TREML2: variants seen among roughly 807,000 people sequenced by gnomAD.
TREML2 encodes triggering receptor expressed on myeloid cells like 2, also known as trem-like transcript 2 protein.
A neutral mutation model predicts 25.9 loss-of-function variants in TREML2; 24 were observed. The observed-to-expected ratio is 0.93, with a 90% CI of 0.67 to 1.30. The LOEUF is 1.30. TREML2 is among the 50% of genes most tolerant of loss of function. TREML2 has a pLI of 0.00. For synonymous variants in TREML2, 139 were observed against 155.2 expected (o/e 0.90, Z 0.77); for missense variants, 359 against 395.6 (o/e 0.91, Z 0.78).
At chr6:41,193,940 G>A (rs1037088329) in intron 3 of TREML2, among the ~76,000 whole-genome samples, 3 of 100,670 alleles carry the variant, frequency 3.0e-5, no homozygotes, top group Non-Finnish European at 5.6e-5. Context: ...TAATGCCCCC[G>A]ACTCTCATAG....
chr6:41,196,733 A>T lies in TREML2; in HGVS notation c.376+1376T>A, dbSNP rs192829803. ...TTCCCCCAGCCCTAAGCAACCACTA[A>T]TCTACTTTCTGTGTCTGTAGATTTC... On this transcript the variant is annotated intron_variant, in intron 2 of 4. Coordinates refer to ENST00000483722, the MANE Select transcript of TREML2 (RefSeq NM_024807.4). Among the ~76,000 whole-genome samples, 76 of 152,220 alleles carry T rather than the reference A, an allele frequency of 5.0e-4. 1 individual carries two copies. Among genetic ancestry groups the T allele is most frequent in the African/African-American group, 1.8e-3 (75 of 41,506 alleles).
At chr6:41,200,448 G>A (rs944402624) in intron 1 of TREML2, among the ~76,000 whole-genome samples, 7 of 152,218 alleles carry the variant, frequency 4.6e-5, no homozygotes, top group African/African-American at 1.4e-4. Context: ...CCATGGCAGC[G>A]AGAGGGGCAG....
chr6:41,196,001 G>C (rs1317294358), intron 2 of TREML2, among the ~76,000 whole-genome samples: 1 of 152,118 alleles, frequency 6.6e-6, no homozygotes, highest in African/African-American at 2.4e-5. Context: ...CATAAAACCT[G>C]GTCTTCAGGG....
At position 41,191,963 on chromosome 6, in the gene TREML2, G is replaced by T. The variant is rs185940192; in HGVS notation, c.*464C>A. On this transcript the variant is annotated 3_prime_UTR_variant, in exon 5 of 5. Transcript: ENST00000483722. ...TGGGACATCACTGCCTCTGGCATTCGTGAGCCCGATTCTTTCTTCCCTAAC... is the reference window on the plus strand; with the variant it reads ...TGGGACATCACTGCCTCTGGCATTCTTGAGCCCGATTCTTTCTTCCCTAAC... 1.2e-5 allele frequency: 2 copies of T among 162,948 alleles called. No homozygotes were observed. Among genetic ancestry groups the T allele is most frequent in the East Asian group, 1.7e-4 (1 of 5,852 alleles). 10.1% of individuals were successfully genotyped at this position (162,948 alleles called of 1,614,324 possible).
chr6:41,200,975 ACAG>A lies in TREML2; in HGVS notation c.31_33del (p.Leu11del), dbSNP rs748418940. 2.7e-3 allele frequency: 4,028 copies of A among 1,505,150 alleles called. No homozygotes were observed. The highest frequency in any genetic ancestry group is 7.4e-3 in the Admixed American group (395 of 53,278). 93.2% of individuals were successfully genotyped at this position (1,505,150 alleles called of 1,614,324 possible). A position where few individuals can be genotyped will look rare whatever the true frequency, so the allele number is the denominator to read the frequency against. On this transcript the variant is annotated inframe_deletion, in exon 1 of 5. Transcript: ENST00000483722. Reference sequence around the variant, plus strand: ...TCACCTGAGACGCAACCCTGTGGCCACAGCAGCAGCAGCAGCAGGAAGGCTGGG... The same window carrying A: ...TCACCTGAGACGCAACCCTGTGGCCACAGCAGCAGCAGCAGGAAGGCTGGG...
Position 41,192,228 on chromosome 6 carries a change from A to G in TREML2, c.*199T>C, listed in dbSNP as rs1766077332. ...TGCCCTTTGCTCTGGGCCCCTCCCC[A>G]GGTTCCTGCCCCCAAGGAGAACACT... On this transcript the variant is annotated 3_prime_UTR_variant, in exon 5 of 5. Transcript: ENST00000483722. 8.5e-6 allele frequency: 5 copies of G among 588,764 alleles called. No individual in the cohort carries two copies. The Admixed American group carries it at 1.2e-4, about 14-fold the overall frequency. The allele number at this position is 588,764 out of a possible 1,614,324, so 36.5% of individuals were successfully genotyped here.
intron 2 of TREML2, among the ~76,000 whole-genome samples, chr6:41,196,647 C>G (rs1294219391): frequency 6.6e-6 from 1 of 152,116 alleles, no homozygotes; most frequent in African/African-American, 2.4e-5. Context: ...TTTCAGAACA[C>G]CTTCATCATC....
At chr6:41,200,817 C>T (rs550371203) in intron 1 of TREML2, 137 bp downstream of exon 1, 1 of 720,628 alleles carries the variant, frequency 1.4e-6, no homozygotes, top group South Asian at 2.5e-5. Context: ...AGAGCTAAGT[C>T]AGCCCTAATC....
At chr6:41,195,306 T>C (rs1766142054) in intron 2 of TREML2, among the ~76,000 whole-genome samples, 2 of 152,236 alleles carry the variant, frequency 1.3e-5, no homozygotes, top group Admixed American at 6.5e-5. Context: ...ACACTTTCCT[T>C]GGGGGCTCAC....
At position 41,191,174 on chromosome 6, in the gene TREML2, T is replaced by A. The variant is rs1561887583; in HGVS notation, c.*1253A>T. ...CACTCCAGGTCAGTAGACACCTGTG[T>A]GTGTGTGTGTGTGTGTGTGTGTGTG... On this transcript the variant is annotated 3_prime_UTR_variant, in exon 5 of 5. Coordinates refer to ENST00000483722, the MANE Select transcript of TREML2 (RefSeq NM_024807.4). 1.4e-5 allele frequency: 1 copy of A among 73,364 alleles called. No individual in the cohort carries two copies. Among genetic ancestry groups the A allele is most frequent in the Non-Finnish European group, 2.5e-5 (1 of 39,590 alleles). 4.5% of individuals were successfully genotyped at this position (73,364 alleles called of 1,614,324 possible). A position where few individuals can be genotyped will look rare whatever the true frequency, so the allele number is the denominator to read the frequency against.
At chr6:41,192,716 A>C in intron 4 of TREML2, 85 bp downstream of exon 4, 1 of 1,311,096 alleles carries the variant, frequency 7.6e-7, no homozygotes, top group Non-Finnish European at 1.1e-6. Context: ...CAAGGGCCAT[A>C]CCACGTGGGG....
At chr6:41,195,959 A>G (rs552766657) in intron 2 of TREML2, among the ~76,000 whole-genome samples, 1 of 152,318 alleles carries the variant, frequency 6.6e-6, no homozygotes, top group South Asian at 2.1e-4. Flanking sequence ...GGCAGCCAGT[A>G]ACTTTCCTTC....
At chr6:41,194,934 G>T in intron 2 of TREML2, 101 bp from the exon 3 acceptor site, 1 of 1,106,422 alleles carries the variant, frequency 9.0e-7, no homozygotes, top group South Asian at 1.7e-5. Context: ...CTGGATGGGG[G>T]CCTGTCCTCT....
At position 41,198,445 on chromosome 6, in the gene TREML2, T is replaced by G; in HGVS notation, c.56-16A>C. 1 of 1,594,562 alleles carries G rather than the reference T, an allele frequency of 6.3e-7. No homozygotes were observed. The highest frequency in any genetic ancestry group is 2.2e-5 in the East Asian group (1 of 44,590). ...GCAGAGGGGCCTGTGGAGACAATAC[T>G]TATTGAATAAGGTCTGGCAAGAGGA... On this transcript the variant is annotated splice_polypyrimidine_tract_variant and intron_variant, in intron 1 of 4. Coordinates refer to ENST00000483722, the MANE Select transcript of TREML2 (RefSeq NM_024807.4).
rs2038568 is a variant in TREML2 at position 41,190,394 on chromosome 6, G to C, written c.*2033C>G. On this transcript the variant is annotated 3_prime_UTR_variant, in exon 5 of 5. Transcript: ENST00000483722. ...ACACTTGGGAAGAGATATGACAAAA[G>C]CAAGAAACAGAATCCTAAGGTCTTA... 0.17 allele frequency: 26,411 copies of C among 151,994 alleles called. 4,858 individuals are homozygous for C. The highest frequency in any genetic ancestry group is 0.47 in the African/African-American group (19,325 of 41,380). The allele number at this position is 151,994 out of a possible 1,614,324, so 9.4% of individuals were successfully genotyped here. A position where few individuals can be genotyped will look rare whatever the true frequency, so the allele number is the denominator to read the frequency against.
At position 41,194,776 on chromosome 6, in the gene TREML2, C is replaced by T; in HGVS notation, c.434G>A (p.Gly145Glu). 1.9e-6 allele frequency: 3 copies of T among 1,609,730 alleles called. No homozygotes were observed. Among genetic ancestry groups the T allele is most frequent in the Non-Finnish European group, 2.5e-6 (3 of 1,177,928 alleles). ...FTHLDNILKS[G>E]TVTTGQAPTS... ...AGGGGCTTGGCCAGTTGTGACAGTT[C>T]CACTCTTGAGGATGTTGTCCAGATG... Residue 145 changes from glycine (G) to glutamate (E), a missense_variant, in exon 3 of 5, where the codon GGA becomes GAA. Coordinates refer to ENST00000483722, the MANE Select transcript of TREML2 (RefSeq NM_024807.4).
intron 3 of TREML2, among the ~76,000 whole-genome samples, chr6:41,193,480 T>C (rs939936405): frequency 6.6e-6 from 1 of 152,072 alleles, no homozygotes; most frequent in African/African-American, 2.4e-5. Context: ...TGTTTTATGC[T>C]AGATCTGACT....
rs1390376772 is a variant in TREML2, at chr6:41,200,977, A to G, written c.32T>C (p.Leu11Pro). The change falls in exon 1 of 5, where the codon CTG becomes CCG. Residue 11 changes from leucine (L) to proline (P), a missense_variant. Physicochemically the swap from Leu to Pro is moderately conservative, Grantham distance 98. Coordinates refer to ENST00000483722, the MANE Select transcript of TREML2 (RefSeq NM_024807.4). ...ACCTGAGACGCAACCCTGTGGCCAC[A>G]GCAGCAGCAGCAGCAGGAAGGCTGG... The part of the protein sequence containing the change: MAPAFLLLLL[L>P]WPQGCVSGPS... 3.0e-6 allele frequency: 4 copies of G among 1,341,664 alleles called. No individual in the cohort carries two copies. The highest frequency in any genetic ancestry group is 4.0e-6 in the Non-Finnish European group (4 of 1,006,176). 83.1% of individuals were successfully genotyped at this position (1,341,664 alleles called of 1,614,324 possible). A position where few individuals can be genotyped will look rare whatever the true frequency, so the allele number is the denominator to read the frequency against.
In TREML2 at chr6:41,201,104, G is replaced by A. The variant is rs150468801; in HGVS notation, c.-96C>T. On this transcript the variant is annotated 5_prime_UTR_variant, in exon 1 of 5. Coordinates refer to ENST00000483722, the MANE Select transcript of TREML2 (RefSeq NM_024807.4). ...ACCTGGGCCTGCCAGGGAAGGACCC[G>A]GGGTTCTAAAAGTGAAGCTGCCCAT... 7.8e-4 allele frequency: 1,142 copies of A among 1,462,612 alleles called. 6 individuals are homozygous for A. In the African/African-American group the frequency reaches 0.011, roughly 14 times the overall value. 90.6% of individuals were successfully genotyped at this position (1,462,612 alleles called of 1,614,324 possible).
Sources: allele counts gnomAD v4.1 joint callset (sites outside exome capture counted in the v4.1 genomes callset), GRCh38; gene constraint gnomAD v4.1.1; transcripts MANE v1.5; gene names NCBI Gene and HGNC (gene_info 2026-07-23, HGNC 2026-07-21).